BCR: variants seen among roughly 807,000 people sequenced by gnomAD.
BCR encodes BCR activator of RhoGEF and GTPase.
In BCR, 58 loss-of-function variants were observed where a neutral mutation model predicts 138.6. The observed-to-expected ratio is 0.42, with a 90% CI of 0.34 to 0.52. BCR has a LOEUF of 0.52. Among genes scored for constraint, BCR ranks in the 20% least tolerant of loss-of-function variants. The pLI, the probability that BCR is intolerant of heterozygous loss-of-function variation, is 0.06. For synonymous variants in BCR, 786 were observed against 730.1 expected (o/e 1.08, Z -1.23); for missense variants, 1,599 against 1,727.2 (o/e 0.93, Z 1.32).
intron 1 of BCR, among the ~76,000 whole-genome samples, chr22:23,195,622 C>T (rs1034418135): frequency 3.3e-5 from 5 of 151,852 alleles, no homozygotes; most frequent in African/African-American, 1.2e-4. Context: ...CGCGGTGGCT[C>T]GCGCCTGTAA....
chr22:23,278,730 T>A (rs1415266105), intron 8 of BCR, among the ~76,000 whole-genome samples: 1 of 151,684 alleles, frequency 6.6e-6, no homozygotes, highest in East Asian at 1.9e-4. Context: ...TGAAATTCCG[T>A]CTCAAAAAAA....
At chr22:23,290,485 C>T (rs1460372603) in intron 14 of BCR, 72 bp downstream of exon 14, 8 of 1,462,244 alleles carry the variant, frequency 5.5e-6, no homozygotes. Context: ...ACTCATCGGG[C>T]AGGGTGTGGG....
chr22:23,293,969 G>A (rs1602114260), intron 15 of BCR, among the ~76,000 whole-genome samples: 1 of 152,282 alleles, frequency 6.6e-6, no homozygotes, highest in South Asian at 2.1e-4. Flanking sequence ...TTAACACCAC[G>A]CACCCACGGC....
At chr22:23,210,461 G>T (rs1346471854) in intron 1 of BCR, among the ~76,000 whole-genome samples, 1 of 151,956 alleles carries the variant, frequency 6.6e-6, no homozygotes, top group Non-Finnish European at 1.5e-5. Flanking sequence ...AAGATGTCAT[G>T]ATGTCATTTG....
chr22:23,264,933 G>T (rs545952493), intron 4 of BCR: 1 of 152,196 alleles, frequency 6.6e-6, no homozygotes, highest in Admixed American at 6.5e-5. Flanking sequence ...CAGGCTGGCT[G>T]TTGAGAGATT....
intron 12 of BCR, among the ~76,000 whole-genome samples, chr22:23,288,798 C>T (rs889040697): frequency 6.6e-6 from 1 of 152,226 alleles, no homozygotes; most frequent in African/African-American, 2.4e-5. Flanking sequence ...CAGGGCGCTC[C>T]TTCCTTCGGG....
chr22:23,259,118 G>A (rs1173953104), intron 2 of BCR, among the ~76,000 whole-genome samples: 1 of 152,274 alleles, frequency 6.6e-6, no homozygotes, highest in African/African-American at 2.4e-5. Context: ...GTCAGGTGGC[G>A]ATTTCTGTGG....
chr22:23,246,661 G>A (rs926483239), intron 1 of BCR, among the ~76,000 whole-genome samples: 1 of 152,142 alleles, frequency 6.6e-6, no homozygotes, highest in Non-Finnish European at 1.5e-5. Flanking sequence ...CTGAAAAATA[G>A]CAATCTAAAA....
At chr22:23,198,961 A>G (rs899404953) in intron 1 of BCR, among the ~76,000 whole-genome samples, 1 of 151,904 alleles carries the variant, frequency 6.6e-6, no homozygotes, top group African/African-American at 2.4e-5. Context: ...CTCTATTACA[A>G]ATACACAAAA....
chr22:23,194,944 A>G (rs1316545116), intron 1 of BCR, among the ~76,000 whole-genome samples: 2 of 152,082 alleles, frequency 1.3e-5, no homozygotes, highest in Non-Finnish European at 2.9e-5. Flanking sequence ...GCAAGACCCT[A>G]TCTCTAAAAA....
At position 23,315,432 on chromosome 22, in the gene BCR, G is replaced by T; in HGVS notation, c.3727-1G>T. 1 of 1,613,694 alleles carries T rather than the reference G, an allele frequency of 6.2e-7. No homozygotes were observed. Among genetic ancestry groups the T allele is most frequent in the Non-Finnish European group, 8.5e-7 (1 of 1,179,960 alleles). ...TTCTCTTCCCTACTCTGCCCGGGCAGGTCCAGGTGCTGCTGTACTTCCTGC... is the reference window on the plus strand; with the variant it reads ...TTCTCTTCCCTACTCTGCCCGGGCATGTCCAGGTGCTGCTGTACTTCCTGC... On this transcript the variant is annotated splice_acceptor_variant, in intron 22 of 22. Transcript: ENST00000305877. LOFTEE classifies it high-confidence loss of function.
intron 9 of BCR, among the ~76,000 whole-genome samples, chr22:23,284,456 A>G (rs1455775070): frequency 2.6e-5 from 4 of 151,832 alleles, no homozygotes; most frequent in Admixed American, 6.6e-5. Flanking sequence ...TTTCCGAGTT[A>G]TCCTCGGCAT....
chr22:23,263,987 C>T, intron 4 of BCR: 2 of 896,520 alleles, frequency 2.2e-6, no homozygotes, highest in Non-Finnish European at 3.8e-6. Flanking sequence ...TGGACAGAGA[C>T]TTTCCCCCAA....
intron 2 of BCR, among the ~76,000 whole-genome samples, chr22:23,257,431 C>T (rs1404471684): frequency 1.3e-5 from 2 of 152,228 alleles, no homozygotes; most frequent in South Asian, 2.1e-4. Context: ...CTGGGTGGGG[C>T]TGTCATGGGC....
intron 1 of BCR, among the ~76,000 whole-genome samples, chr22:23,209,734 G>A (rs1160068580): frequency 2.0e-5 from 3 of 151,932 alleles, no homozygotes; most frequent in African/African-American, 4.8e-5. Context: ...CAGTAGAAAC[G>A]GGGTTTCACC....
intron 1 of BCR, among the ~76,000 whole-genome samples, chr22:23,195,420 CAAAAAAA>C (rs529306820): frequency 6.5e-5 from 6 of 92,296 alleles, no homozygotes; most frequent in Non-Finnish European, 8.7e-5. Context: ...AACTCCGTCT[CAAAAAAA>C]AAAAAAAAAA....
At chr22:23,186,320 T>TA (rs1363466347) in intron 1 of BCR, among the ~76,000 whole-genome samples, 2 of 152,258 alleles carry the variant, frequency 1.3e-5, no homozygotes, top group Non-Finnish European at 2.9e-5. Context: ...TTGTAACTTT[T>TA]AAAAAGTTTG....
intron 13 of BCR, chr22:23,290,088 G>C (rs1275952964): frequency 7.0e-6 from 4 of 569,440 alleles, no homozygotes; most frequent in African/African-American, 5.7e-5. Context: ...GACCCCCTCT[G>C]CTGTCCTTGG....
intron 1 of BCR, among the ~76,000 whole-genome samples, chr22:23,191,309 G>T (rs376678768): frequency 6.6e-6 from 1 of 152,120 alleles, no homozygotes; most frequent in Admixed American, 6.5e-5. Flanking sequence ...TATTAAAAAC[G>T]AAGGCAACCA....
Sources: allele counts gnomAD v4.1 joint callset (sites outside exome capture counted in the v4.1 genomes callset), GRCh38; gene constraint gnomAD v4.1.1; transcripts MANE v1.5; gene names NCBI Gene and HGNC (gene_info 2026-07-23, HGNC 2026-07-21).